UXS1: variants seen among roughly 807,000 people sequenced by gnomAD.
UXS1 encodes UDP-glucuronic acid decarboxylase 1.
In UXS1, 33 loss-of-function variants were observed where a neutral mutation model predicts 62.6. The ratio of observed to expected loss-of-function variants is 0.53; its 90% confidence interval spans 0.40 to 0.70. The LOEUF (loss-of-function observed/expected upper bound fraction) is 0.70, where lower values mean the gene tolerates loss of function less well. Among genes scored for constraint, UXS1 ranks in the 30% least tolerant of loss-of-function variants. The pLI is 0.00. For missense variants in UXS1, 434 were observed against 556.3 expected (o/e 0.78, Z 2.21); for synonymous variants, 213 against 206.8 (o/e 1.03, Z -0.26).
chr2:106,176,904 C>T (rs1033802252), intron 1 of UXS1, among the ~76,000 whole-genome samples: 3 of 152,206 alleles, frequency 2.0e-5, no homozygotes, highest in African/African-American at 7.2e-5. Context: ...CTCTCTGCAA[C>T]CCCAGCTGGC....
chr2:106,179,987 T>G (rs1684139008), intron 1 of UXS1, among the ~76,000 whole-genome samples: 1 of 152,196 alleles, frequency 6.6e-6, no homozygotes, highest in Non-Finnish European at 1.5e-5. Flanking sequence ...TGTGCACCTG[T>G]AATCCCAGCT....
intron 1 of UXS1, among the ~76,000 whole-genome samples, chr2:106,178,726 T>TA (rs1372990610): frequency 1.3e-5 from 2 of 152,138 alleles, no homozygotes; most frequent in Non-Finnish European, 2.9e-5. Flanking sequence ...CCCACCCTAG[T>TA]GGATGCCTGG....
chr2:106,149,343 A>T (rs868518225), intron 5 of UXS1, among the ~76,000 whole-genome samples: 1 of 152,354 alleles, frequency 6.6e-6, no homozygotes, highest in Middle Eastern at 3.4e-3. Flanking sequence ...TGTGCTTTTA[A>T]CGTGTCCACC....
chr2:106,129,374 G>A (rs1185013323), intron 7 of UXS1, among the ~76,000 whole-genome samples: 1 of 152,198 alleles, frequency 6.6e-6, no homozygotes, highest in African/African-American at 2.4e-5. Context: ...GGCAGGCTGG[G>A]TGGTTGGTCA....
chr2:106,187,757 T>G (rs1163036562), intron 1 of UXS1, among the ~76,000 whole-genome samples: 1 of 152,022 alleles, frequency 6.6e-6, no homozygotes, highest in Non-Finnish European at 1.5e-5. Flanking sequence ...TTTTTTTTTT[T>G]TGAGATGGAG....
At chr2:106,104,600 G>A (rs994932443) in intron 11 of UXS1, among the ~76,000 whole-genome samples, 194 bp downstream of exon 11, 1 of 152,226 alleles carries the variant, frequency 6.6e-6, no homozygotes, top group African/African-American at 2.4e-5. Context: ...TAGTCATGGA[G>A]ATGAATGCAA....
In UXS1 at chr2:106,093,958, C is replaced by CA. The variant is rs765652023; in HGVS notation, c.*67dup. The CA allele has an allele frequency of 7.2e-5, 106 of 1,470,718 alleles. No individual in the cohort carries two copies. Among genetic ancestry groups the CA allele is most frequent in the Middle Eastern group, 3.6e-4 (2 of 5,568 alleles). The allele number at this position is 1,470,718 out of a possible 1,614,324, so 91.1% of individuals were successfully genotyped here. The stretch of plus-strand genomic sequence containing the variant: ...GTTAAAGTCTTTCTTTAAACGACAA[C>CA]AAAAAAAAGCCAAAAATACATCCCA... On this transcript the variant is annotated 3_prime_UTR_variant, in exon 15 of 15. Coordinates refer to ENST00000283148, the MANE Select transcript of UXS1 (RefSeq NM_001253875.2).
At chr2:106,103,826 T>C (rs1249808274) in intron 11 of UXS1, among the ~76,000 whole-genome samples, 1 of 152,160 alleles carries the variant, frequency 6.6e-6, no homozygotes, top group African/African-American at 2.4e-5. Flanking sequence ...CAGTGGTTAT[T>C]TTGATTTCTT....
At chr2:106,113,725 G>C (rs1157177976) in intron 9 of UXS1, among the ~76,000 whole-genome samples, 1 of 152,238 alleles carries the variant, frequency 6.6e-6, no homozygotes, top group Non-Finnish European at 1.5e-5. Flanking sequence ...GGGCACCTGA[G>C]GGCAGGGAGC....
chr2:106,128,181 G>A (rs560094764), intron 7 of UXS1, among the ~76,000 whole-genome samples: 7 of 152,266 alleles, frequency 4.6e-5, no homozygotes, highest in African/African-American at 1.7e-4. Context: ...GAGTGTAGGA[G>A]GGGTAGGCGC....
At chr2:106,139,584 C>A (rs565675903) in intron 6 of UXS1, among the ~76,000 whole-genome samples, 55 of 152,306 alleles carry the variant, frequency 3.6e-4, no homozygotes, top group African/African-American at 1.3e-3. Flanking sequence ...AACCTGAAAC[C>A]ACTGTTCAGA....
At chr2:106,107,598 T>C (rs1428577134) in intron 10 of UXS1, among the ~76,000 whole-genome samples, 2 of 152,216 alleles carry the variant, frequency 1.3e-5, no homozygotes, top group Non-Finnish European at 2.9e-5. Flanking sequence ...AAGGGACTTG[T>C]GGTGGAGACA....
intron 5 of UXS1, among the ~76,000 whole-genome samples, chr2:106,151,118 A>G (rs2105016253): frequency 6.6e-6 from 1 of 152,314 alleles, no homozygotes; most frequent in South Asian, 2.1e-4. Context: ...ACAGGCCCAT[A>G]GCTGAAGGGG....
rs1053459420 is a variant in UXS1, at chr2:106,137,633, T to TA, written c.472+7556dup. On this transcript the variant is annotated intron_variant, in intron 6 of 14. Coordinates refer to ENST00000283148, the MANE Select transcript of UXS1 (RefSeq NM_001253875.2). ...GTGAAACCCGTCTCTACTAAAAATA[T>TA]AAAAAAAAAAAAATAGCTAGGTGTG... Among the ~76,000 whole-genome samples, 364 of 141,230 alleles carry TA rather than the reference T, an allele frequency of 2.6e-3. 2 individuals carry two copies. The highest frequency in any genetic ancestry group is 3.7e-3 in the African/African-American group (142 of 38,592). The allele number at this position is 141,230 out of a possible 152,430, so 92.7% of individuals were successfully genotyped here. A position where few individuals can be genotyped will look rare whatever the true frequency, so the allele number is the denominator to read the frequency against.
At chr2:106,151,227 G>C (rs1681987572) in intron 5 of UXS1, among the ~76,000 whole-genome samples, 4 of 152,126 alleles carry the variant, frequency 2.6e-5, no homozygotes, top group African/African-American at 9.7e-5. Flanking sequence ...TTAAAATGCT[G>C]GGCTATTGGG....
chr2:106,100,615 G>A (rs548221020), intron 12 of UXS1, among the ~76,000 whole-genome samples: 5 of 152,324 alleles, frequency 3.3e-5, no homozygotes, highest in South Asian at 4.1e-4. Flanking sequence ...CAGGCATGCA[G>A]GGAAGGCGAG....
At chr2:106,145,480 G>C (rs1681490431) in intron 5 of UXS1, 110 bp from the exon 6 acceptor site, 1 of 1,350,422 alleles carries the variant, frequency 7.4e-7, no homozygotes, top group Admixed American at 2.9e-5. Flanking sequence ...TTAAAACTCA[G>C]GAGCAAGGCG....
chr2:106,128,491 C>CCAA (rs1157076965), intron 7 of UXS1, among the ~76,000 whole-genome samples: 1 of 152,030 alleles, frequency 6.6e-6, no homozygotes, highest in African/African-American at 2.4e-5. Context: ...ATGGCCCTCC[C>CCAA]CAACGTGGAT....
At chr2:106,193,828 C>T (rs779656718) in intron 1 of UXS1, among the ~76,000 whole-genome samples, 1 of 151,982 alleles carries the variant, frequency 6.6e-6, no homozygotes. Context: ...CGGCTCCCAG[C>T]GCGACATGGA....
Sources: allele counts gnomAD v4.1 joint callset (sites outside exome capture counted in the v4.1 genomes callset), GRCh38; gene constraint gnomAD v4.1.1; transcripts MANE v1.5; gene names NCBI Gene and HGNC (gene_info 2026-07-23, HGNC 2026-07-21).